The following ZNF43 variants were observed in gnomAD, a reference collection of about 807,000 sequenced individuals.
ZNF43 encodes the protein zinc finger protein 39-like 1 (KOX 27).
A neutral mutation model predicts 68.4 loss-of-function variants in ZNF43; 44 were observed. The observed-to-expected ratio is 0.64, with a 90% CI of 0.51 to 0.83. The LOEUF (loss-of-function observed/expected upper bound fraction) is 0.83, where lower values mean the gene tolerates loss of function less well. Among genes scored for constraint, ZNF43 ranks in the 40% least tolerant of loss-of-function variants. The probability of loss-of-function intolerance (pLI) is 0.00; values close to 1 mark genes in which losing one functional copy is unlikely to be tolerated. For synonymous variants in ZNF43, 308 were observed against 307.8 expected (o/e 1.00, Z -0.01); for missense variants, 896 against 933.2 (o/e 0.96, Z 0.52).
intron 1 of ZNF43, among the ~76,000 whole-genome samples, chr19:21,847,819 T>C (rs1371522131): frequency 6.6e-6 from 1 of 152,108 alleles, no homozygotes; most frequent in Non-Finnish European, 1.5e-5. Flanking sequence ...GACCCAACAA[T>C]ATGTAACAAT....
chr19:21,831,400 C>T (rs1187263150), intron 1 of ZNF43, among the ~76,000 whole-genome samples: 1 of 151,832 alleles, frequency 6.6e-6, no homozygotes, highest in Non-Finnish European at 1.5e-5. Flanking sequence ...CTTGCTCTGT[C>T]ACCCAAGCTG....
rs1158296126 is a variant in ZNF43 at position 21,808,328 on chromosome 19, T to C, written c.1709A>G (p.Glu570Gly). 5 of 1,613,356 alleles carry C rather than the reference T, an allele frequency of 3.1e-6. No individual in the cohort carries two copies. The highest frequency in any genetic ancestry group is 4.2e-6 in the Non-Finnish European group (5 of 1,179,842). ...GGATTGGGTAAAAGCTTTGCCACAT[T>C]CTTCACACTTGTAGGGTTTCTCTCC... ...HTGEKPYKCE[E>G]CGKAFTQSSN... Residue 570 changes from glutamate to glycine, a missense_variant, in exon 4 of 4, where the codon GAA becomes GGA. Coordinates refer to ENST00000354959, the MANE Select transcript of ZNF43 (RefSeq NM_003423.4).
upstream of ZNF43, among the ~76,000 whole-genome samples, chr19:21,836,718 G>C (rs1401630818): frequency 2.6e-5 from 4 of 152,116 alleles, no homozygotes; most frequent in Non-Finnish European, 5.9e-5. Context: ...CTGAGTAGCT[G>C]GGACCACTGG....
At position 21,808,093 on chromosome 19, in the gene ZNF43, T is replaced by C. The variant is rs1334848833; in HGVS notation, c.1944A>G (p.Lys648=). ...TKHKIIHTEE[K]PYKCEECGKA... ...TGCCACATTCTTCACATTTGTAGGG[T>C]TTCTCCTCAGTGTGAATTATCTTAT... The change falls in exon 4 of 4, where the codon AAA becomes AAG. Residue 648 remains lysine (K), a synonymous_variant. Transcript: ENST00000354959. 6.2e-7 allele frequency: 1 copy of C among 1,612,966 alleles called. No individual in the cohort carries two copies. Among genetic ancestry groups the C allele is most frequent in the Non-Finnish European group, 8.5e-7 (1 of 1,179,840 alleles).
At position 21,831,776 on chromosome 19, in the gene ZNF43, A is replaced by G. The variant is rs542079654; in HGVS notation, c.3+4260T>C. Among the ~76,000 whole-genome samples the G allele has an allele frequency of 2.1e-3, 327 of 152,344 alleles. 3 individuals are homozygous for G. In the South Asian group the frequency reaches 0.028, roughly 13 times the overall value. ...CAATATTGAAGCCAAAAGCCAAATC[A>G]AAAACAATCCTATTTGCCACAAAAA... On this transcript the variant is annotated intron_variant, in intron 1 of 3. Transcript: ENST00000354959.
At chr19:21,819,032 T>A (rs2037665134) in intron 2 of ZNF43, 63 bp downstream of exon 2, 3 of 1,558,330 alleles carry the variant, frequency 1.9e-6, no homozygotes, top group Admixed American at 4.3e-5. Flanking sequence ...AAAAACAGTC[T>A]ACAGAAAACA....
Position 21,814,489 on chromosome 19 carries a change from A to G in ZNF43, c.229+3399T>C, listed in dbSNP as rs897231077. ...GCAACGGCACGATCTGGCTCACTGC[A>G]ATCTCCACTTCCCGGGTTTGAGCGA... On this transcript the variant is annotated intron_variant, in intron 3 of 3. Coordinates refer to ENST00000354959, the MANE Select transcript of ZNF43 (RefSeq NM_003423.4). 4.0e-5 allele frequency among the ~76,000 whole-genome samples: 6 copies of G among 150,968 alleles called. No homozygotes were observed. In the East Asian group the frequency reaches 1.2e-3, roughly 30 times the overall value.
intron 1 of ZNF43, among the ~76,000 whole-genome samples, chr19:21,843,834 A>C (rs144597182): frequency 9.2e-5 from 14 of 152,302 alleles, no homozygotes; most frequent in African/African-American, 3.4e-4. Flanking sequence ...TTGACCTGAG[A>C]GTCACCAATC....
At chr19:21,844,020 G>A (rs546009292) in intron 1 of ZNF43, among the ~76,000 whole-genome samples, 2 of 152,190 alleles carry the variant, frequency 1.3e-5, no homozygotes, top group South Asian at 4.1e-4. Context: ...GGCCATGTAA[G>A]GGCACTCAGT....
chr19:21,829,120 A>G (rs2038299706), intron 1 of ZNF43, among the ~76,000 whole-genome samples: 1 of 149,304 alleles, frequency 6.7e-6, no homozygotes, highest in Non-Finnish European at 1.5e-5. Flanking sequence ...GCTACTCAGG[A>G]GGCTAAGGCA....
chr19:21,824,901 CA>C (rs1371579823), intron 1 of ZNF43, among the ~76,000 whole-genome samples: 1 of 151,764 alleles, frequency 6.6e-6, no homozygotes, highest in African/African-American at 2.4e-5. Flanking sequence ...TTTGTAAAGG[CA>C]AAAAAGAGGG....
At chr19:21,850,965 G>A (rs1187287219) in intron 1 of ZNF43, 1 of 152,242 alleles carries the variant, frequency 6.6e-6, no homozygotes, top group Non-Finnish European at 1.5e-5. Flanking sequence ...AATGAGATTA[G>A]AAATTCCACA....
chr19:21,848,144 T>C (rs923068494), intron 1 of ZNF43, among the ~76,000 whole-genome samples: 7 of 151,014 alleles, frequency 4.6e-5, no homozygotes, highest in Admixed American at 6.6e-5. Flanking sequence ...TTTGTTGTTG[T>C]TGTTGTTGTT....
chr19:21,848,475 G>A (rs904777089), intron 1 of ZNF43, among the ~76,000 whole-genome samples: 4 of 152,102 alleles, frequency 2.6e-5, no homozygotes, highest in African/African-American at 9.7e-5. Context: ...GTGACATATT[G>A]TGCCATAATA....
chr19:21,836,177 A>G lies in ZNF43; in HGVS notation c.-139T>C, dbSNP rs898949821. On this transcript the variant is annotated 5_prime_UTR_variant, in exon 1 of 4. Transcript: ENST00000354959. ...GAGACGCAGAGCTCCAACTGCAGCC[A>G]GAGACAAAGGCCCCGCCACATCCCG... 5.2e-5 allele frequency: 80 copies of G among 1,533,878 alleles called. No individual in the cohort carries two copies. The African/African-American group carries it at 1.0e-3, about 19-fold the overall frequency.
rs111310438 is a variant in ZNF43, at chr19:21,806,072, T to C, written c.*1535A>G. Reference sequence around the variant, plus strand: ...CTAAAATAAAAAACTTTTGTCACTATAATGCAGAAGAATATTACTCTGAAA... The same window carrying C: ...CTAAAATAAAAAACTTTTGTCACTACAATGCAGAAGAATATTACTCTGAAA... On this transcript the variant is annotated 3_prime_UTR_variant, in exon 4 of 4. Coordinates refer to ENST00000354959, the MANE Select transcript of ZNF43 (RefSeq NM_003423.4). 3.7e-4 allele frequency: 57 copies of C among 152,138 alleles called. 1 individual carries two copies. The highest frequency in any genetic ancestry group is 1.3e-3 in the African/African-American group (53 of 41,518). The allele number at this position is 152,138 out of a possible 1,614,324, so 9.4% of individuals were successfully genotyped here. A position where few individuals can be genotyped will look rare whatever the true frequency, so the allele number is the denominator to read the frequency against.
At chr19:21,847,421 G>T (rs1968029710) in intron 1 of ZNF43, among the ~76,000 whole-genome samples, 1 of 152,188 alleles carries the variant, frequency 6.6e-6, no homozygotes, top group East Asian at 1.9e-4. Context: ...TACTGGTCAG[G>T]CGCGGTGGCT....
chr19:21,818,045 A>T (rs2037615838), intron 2 of ZNF43, 59 bp from the exon 3 acceptor site: 2 of 1,504,636 alleles, frequency 1.3e-6, no homozygotes, highest in Non-Finnish European at 1.8e-6. Flanking sequence ...TTATTAACCT[A>T]GTAATGTGTC....
chr19:21,820,126 G>C (rs1411000134), intron 1 of ZNF43, among the ~76,000 whole-genome samples: 1 of 130,724 alleles, frequency 7.6e-6, no homozygotes, highest in Non-Finnish European at 1.6e-5. Flanking sequence ...TTGAACCCGA[G>C]AGGTGGAGGT....
Sources: gnomAD v4.1 joint callset for allele counts (sites outside exome capture counted in the v4.1 genomes callset) on GRCh38, gnomAD v4.1.1 for gene constraint, MANE v1.5 for transcripts, NCBI Gene and HGNC (gene_info 2026-07-23, HGNC 2026-07-21) for gene names.